ZNF609: variants seen among roughly 807,000 people sequenced by gnomAD.
ZNF609 encodes zinc finger protein 609.
ZNF609 carries 11 observed loss-of-function variants against 109.5 expected under a neutral mutation model. That is an observed-to-expected ratio of 0.10 (90% CI 0.06 to 0.17). The LOEUF is 0.17. Among genes scored for constraint, ZNF609 ranks in the 10% least tolerant of loss-of-function variants. The probability of loss-of-function intolerance (pLI) is 1.00; values close to 1 mark genes in which losing one functional copy is unlikely to be tolerated. For synonymous variants in ZNF609, 646 were observed against 662.0 expected, an observed-to-expected ratio of 0.98 and a Z score of 0.37; for missense variants, 1,559 against 1,772.4, an observed-to-expected ratio of 0.88 and a Z score of 2.16.
At position 64,660,946 on chromosome 15, in the gene ZNF609, T is replaced by A. The variant is rs145631743; in HGVS notation, c.974-9400T>A. Among the ~76,000 whole-genome samples, 551 of 151,986 alleles carry A rather than the reference T, an allele frequency of 3.6e-3. 2 individuals are homozygous for A. Among genetic ancestry groups the A allele is most frequent in the African/African-American group, 0.013 (522 of 41,396 alleles). On this transcript the variant is annotated intron_variant, in intron 3 of 9. Transcript: ENST00000326648. ...CTCCATAGCTTATCACTCTCTGGGT[T>A]TTTGTTGTTTGTTTGTTTGTTTGTT...
chr15:64,577,464 CA>C (rs1895010540), intron 2 of ZNF609, among the ~76,000 whole-genome samples: 1 of 35,592 alleles, frequency 2.8e-5, no homozygotes, highest in South Asian at 1.1e-3. Flanking sequence ...TAAATATATA[CA>C]TATATATGTA....
At position 64,633,140 on chromosome 15, in the gene ZNF609, T is replaced by C. The variant is rs187546399; in HGVS notation, c.973+10088T>C. Reference sequence around the variant, plus strand: ...TCTGTAACCTATTAGAAGTGACACGTTTTGTTTTGTTTTGTTTTGTTTTTT... The same window carrying C: ...TCTGTAACCTATTAGAAGTGACACGCTTTGTTTTGTTTTGTTTTGTTTTTT... On this transcript the variant is annotated intron_variant, in intron 3 of 9. Transcript: ENST00000326648. 1.4e-3 allele frequency among the ~76,000 whole-genome samples: 167 copies of C among 117,508 alleles called. 1 individual carries two copies. The highest frequency in any genetic ancestry group is 2.0e-3 in the Non-Finnish European group (120 of 59,794). 77.1% of individuals were successfully genotyped at this position (117,508 alleles called of 152,430 possible). A position where few individuals can be genotyped will look rare whatever the true frequency, so the allele number is the denominator to read the frequency against.
In ZNF609 at chr15:64,530,681, AT is replaced by A. The variant is rs550115384; in HGVS notation, c.747+30516del. On this transcript the variant is annotated intron_variant, in intron 2 of 9. Coordinates refer to ENST00000326648, the MANE Select transcript of ZNF609 (RefSeq NM_015042.2). ...GTGACTGACAGTATGGTAGATAACAATAAACAGTTGTTGAGTTTGAATTTAT... is the reference window on the plus strand; with the variant it reads ...GTGACTGACAGTATGGTAGATAACAAAAACAGTTGTTGAGTTTGAATTTAT... 5.6e-4 allele frequency among the ~76,000 whole-genome samples: 86 copies of A among 152,342 alleles called. 1 individual carries two copies. Among genetic ancestry groups the A allele is most frequent in the African/African-American group, 2.0e-3 (84 of 41,588 alleles).
chr15:64,473,493 G>A (rs996672839), intron 1 of ZNF609, among the ~76,000 whole-genome samples: 4 of 151,656 alleles, frequency 2.6e-5, no homozygotes, highest in African/African-American at 9.7e-5. Context: ...CACCGCGCCT[G>A]GCCTCATATT....
At position 64,473,191 on chromosome 15, in the gene ZNF609, C is replaced by CTTTTTTTTT. The variant is rs951319279; in HGVS notation, c.-128+12369_-128+12377dup. ...TAAAACTTTTGACTCATATTTGGTT[C>CTTTTTTTTT]TTTTTTTTTTTTTTTTTTTTTTTTG... On this transcript the variant is annotated intron_variant, in intron 1 of 9. Coordinates refer to ENST00000326648, the MANE Select transcript of ZNF609 (RefSeq NM_015042.2). 6.2e-4 allele frequency among the ~76,000 whole-genome samples: 47 copies of CTTTTTTTTT among 76,068 alleles called. 4 individuals carry two copies. Among genetic ancestry groups the CTTTTTTTTT allele is most frequent in the African/African-American group, 2.7e-3 (42 of 15,370 alleles). 49.9% of individuals were successfully genotyped at this position (76,068 alleles called of 152,430 possible).
At chr15:64,613,502 C>T (rs938094365) in intron 2 of ZNF609, among the ~76,000 whole-genome samples, 1 of 152,274 alleles carries the variant, frequency 6.6e-6, no homozygotes, top group East Asian at 1.9e-4. Context: ...CCTCTCATGA[C>T]AAGGAATTGC....
chr15:64,609,124 CTTTCTTTT>C (rs1895670344), intron 2 of ZNF609, among the ~76,000 whole-genome samples: 13 of 33,464 alleles, frequency 3.9e-4, no homozygotes, highest in South Asian at 1.0e-3. Context: ...TTCTTTCTTT[CTTTCTTTT>C]TTTCTTTCTT....
chr15:64,550,042 A>G (rs955235767), intron 2 of ZNF609, among the ~76,000 whole-genome samples: 1 of 151,860 alleles, frequency 6.6e-6, no homozygotes, highest in Non-Finnish European at 1.5e-5. Flanking sequence ...TGCAGCCTCT[A>G]CTTCCCTCAA....
chr15:64,533,932 A>T (rs1389685998), intron 2 of ZNF609, among the ~76,000 whole-genome samples: 1 of 151,392 alleles, frequency 6.6e-6, no homozygotes, highest in African/African-American at 2.4e-5. Context: ...ATACAATTTT[A>T]TATCACGTGT....
intron 3 of ZNF609, among the ~76,000 whole-genome samples, chr15:64,641,263 G>A (rs529287271): frequency 9.4e-6 from 1 of 106,490 alleles, no homozygotes; most frequent in African/African-American, 3.6e-5. Context: ...TGCTGCCCAG[G>A]CTGGAGTGCA....
chr15:64,568,851 G>A (rs1894819383), intron 2 of ZNF609, among the ~76,000 whole-genome samples: 1 of 152,164 alleles, frequency 6.6e-6, no homozygotes, highest in Non-Finnish European at 1.5e-5. Context: ...AGACTTCTAT[G>A]GAGTTAAATT....
At chr15:64,641,489 C>T (rs1345793196) in intron 3 of ZNF609, among the ~76,000 whole-genome samples, 1 of 151,906 alleles carries the variant, frequency 6.6e-6, no homozygotes. Flanking sequence ...GCTGGGATTA[C>T]AGGAGTGAGC....
At chr15:64,468,176 C>A (rs1893040575) in intron 1 of ZNF609, among the ~76,000 whole-genome samples, 1 of 152,018 alleles carries the variant, frequency 6.6e-6, no homozygotes, top group African/African-American at 2.4e-5. Flanking sequence ...GCCACCACAC[C>A]CAGCTAATTT....
chr15:64,600,120 C>T (rs547475500), intron 2 of ZNF609, among the ~76,000 whole-genome samples: 2 of 152,066 alleles, frequency 1.3e-5, no homozygotes, highest in African/African-American at 2.4e-5. Flanking sequence ...GAGTTCAAGA[C>T]GAGCCTGGCC....
chr15:64,473,264 T>G (rs1760399350), intron 1 of ZNF609, among the ~76,000 whole-genome samples: 1 of 143,622 alleles, frequency 7.0e-6, no homozygotes, highest in Non-Finnish European at 1.5e-5. Context: ...AGTGGTGTGG[T>G]CTCGGCTCAC....
At chr15:64,480,154 G>A (rs772587893) in intron 1 of ZNF609, among the ~76,000 whole-genome samples, 4 of 151,906 alleles carry the variant, frequency 2.6e-5, no homozygotes, top group African/African-American at 4.8e-5. Flanking sequence ...CAGGAGAATC[G>A]CTTGAACCTG....
At chr15:64,607,328 A>G (rs1382670510) in intron 2 of ZNF609, among the ~76,000 whole-genome samples, 1 of 152,102 alleles carries the variant, frequency 6.6e-6, no homozygotes, top group Non-Finnish European at 1.5e-5. Context: ...ATATACATAT[A>G]TCTGTACCAT....
At chr15:64,466,116 C>CAAA (rs749648623) in intron 1 of ZNF609, among the ~76,000 whole-genome samples, 2,461 of 80,714 alleles carry the variant, frequency 0.03, 100 homozygotes, top group East Asian at 0.05. Flanking sequence ...AACCCTGTCT[C>CAAA]AAAAAAAAAA....
At chr15:64,563,287 A>G (rs1346916330) in intron 2 of ZNF609, among the ~76,000 whole-genome samples, 1 of 151,554 alleles carries the variant, frequency 6.6e-6, no homozygotes, top group Non-Finnish European at 1.5e-5. Flanking sequence ...CCATCTCTAC[A>G]AAATATACAG....
Sources: gnomAD v4.1 joint callset for allele counts (sites outside exome capture counted in the v4.1 genomes callset) on GRCh38, gnomAD v4.1.1 for gene constraint, MANE v1.5 for transcripts, NCBI Gene and HGNC (gene_info 2026-07-23, HGNC 2026-07-21) for gene names.